DGKG: variants seen among roughly 807,000 people sequenced by gnomAD.
The protein encoded by DGKG is diacylglycerol kinase gamma.
DGKG carries 78 observed loss-of-function variants against 105.3 expected under a neutral mutation model. The observed-to-expected ratio is 0.74, with a 90% CI of 0.62 to 0.89. The LOEUF (loss-of-function observed/expected upper bound fraction) is 0.89. DGKG is among the 40% of genes least tolerant of loss of function. The pLI, the probability that DGKG is intolerant of heterozygous loss-of-function variation, is 0.00. For synonymous variants in DGKG, 346 were observed against 367.1 expected (o/e 0.94, Z 0.66); for missense variants, 958 against 1,020.1 (o/e 0.94, Z 0.83).
At chr3:186,243,401 C>T (rs1489898692) in intron 19 of DGKG, among the ~76,000 whole-genome samples, 4 of 152,034 alleles carry the variant, frequency 2.6e-5, no homozygotes, top group African/African-American at 7.2e-5. Flanking sequence ...TGCTCCTGGG[C>T]TCTCCATCCT....
chr3:186,284,532 C>T lies in DGKG; in HGVS notation c.594+128G>A, dbSNP rs1722973134. On this transcript the variant is annotated intron_variant, in intron 7 of 24. Transcript: ENST00000265022. The surrounding 1 kb of genome is among the most constrained non-coding windows in gnomAD (Gnocchi z 4.0). ...TGGAGAGGTCCTAGTCGGATTTCCT[C>T]AGCCTGCATCGAGACATTGCTATTA... 1 of 830,920 alleles carries T rather than the reference C, an allele frequency of 1.2e-6. No individual in the cohort carries two copies. The allele number at this position is 830,920 out of a possible 1,614,324, so 51.5% of individuals were successfully genotyped here.
rs1716894606 is a variant in DGKG, at chr3:186,172,988, C to T, written c.2096-7970G>A. Among the ~76,000 whole-genome samples, 3 of 152,236 alleles carry T rather than the reference C, an allele frequency of 2.0e-5. No individual in the cohort carries two copies. In the South Asian group the frequency reaches 6.2e-4, roughly 31 times the overall value. On this transcript the variant is annotated intron_variant, in intron 22 of 24. Transcript: ENST00000265022. ...TCAAAGTGCCAGCAGGGTGGGTTTCCTCTGAGACCCCTCCCTTTGGCTGGC... is the reference window on the plus strand; with the variant it reads ...TCAAAGTGCCAGCAGGGTGGGTTTCTTCTGAGACCCCTCCCTTTGGCTGGC...
chr3:186,208,443 A>AG (rs1553801962), intron 21 of DGKG, among the ~76,000 whole-genome samples: 3 of 46,466 alleles, frequency 6.5e-5, no homozygotes, highest in Non-Finnish European at 1.1e-4. Flanking sequence ...AAAAAAGAAG[A>AG]AAAAAAAAAG....
intron 2 of DGKG, among the ~76,000 whole-genome samples, chr3:186,319,635 G>A (rs561059447): frequency 4.5e-4 from 69 of 152,252 alleles, no homozygotes; most frequent in Middle Eastern, 3.4e-3. Flanking sequence ...GGTAAGTGAC[G>A]GTCACTCTGT....
chr3:186,156,137 A>C (rs928583990), intron 24 of DGKG, among the ~76,000 whole-genome samples: 2 of 152,188 alleles, frequency 1.3e-5, no homozygotes, highest in African/African-American at 4.8e-5. Flanking sequence ...GTAGAAATTA[A>C]AATTGGTTAA....
chr3:186,157,745 C>T (rs1716105827), intron 24 of DGKG, among the ~76,000 whole-genome samples: 1 of 152,122 alleles, frequency 6.6e-6, no homozygotes, highest in Non-Finnish European at 1.5e-5. Flanking sequence ...ACTCCATCGC[C>T]CAGGCTGGAG....
chr3:186,309,566 T>A (rs900214628), intron 2 of DGKG, among the ~76,000 whole-genome samples: 3 of 152,190 alleles, frequency 2.0e-5, no homozygotes, highest in South Asian at 2.1e-4. Context: ...GGAAAACAAA[T>A]CCTACATTTT....
At chr3:186,311,403 C>A (rs1484833125) in intron 2 of DGKG, among the ~76,000 whole-genome samples, 1 of 152,128 alleles carries the variant, frequency 6.6e-6, no homozygotes, top group African/African-American at 2.4e-5. Context: ...AGAACTCTAC[C>A]CAACAGGTCA....
intron 1 of DGKG, among the ~76,000 whole-genome samples, chr3:186,347,318 C>T (rs751475194): frequency 1.4e-4 from 21 of 151,560 alleles, no homozygotes; most frequent in African/African-American, 4.6e-4. Context: ...CATGGTGGCA[C>T]GCGCCTGCAG....
At chr3:186,298,031 AG>A (rs1233256495) in intron 4 of DGKG, 32 bp downstream of exon 4, 1 of 1,581,876 alleles carries the variant, frequency 6.3e-7, no homozygotes, top group South Asian at 1.2e-5. Flanking sequence ...GAGCTGCGCA[AG>A]GTCTTCCCAT....
chr3:186,279,881 T>C lies in DGKG; in HGVS notation c.762A>G (p.Pro254=), dbSNP rs775372842. The part of the protein sequence containing the change: ...EWVHGGMTTI[P]LLVLLGMDDS... ...CATCCATCCCCAGGAGGACCAGCAA[T>C]GGGATGGTGGTCATCCCTCCATGGA... The change falls in exon 9 of 25, where the codon CCA becomes CCG. Residue 254 remains proline, a synonymous_variant. Transcript: ENST00000265022. The C allele has an allele frequency of 1.2e-6, 2 of 1,613,838 alleles. No homozygotes were observed. The highest frequency in any genetic ancestry group is 8.5e-7 in the Non-Finnish European group (1 of 1,179,840).
At chr3:186,167,577 T>C (rs1452978075) in intron 22 of DGKG, among the ~76,000 whole-genome samples, 1 of 152,222 alleles carries the variant, frequency 6.6e-6, no homozygotes, top group Non-Finnish European at 1.5e-5. Flanking sequence ...AGTCAGTGTC[T>C]AGGCACACAG....
At chr3:186,161,507 T>A in intron 24 of DGKG, 96 bp downstream of exon 24, 2 of 1,587,920 alleles carry the variant, frequency 1.3e-6, no homozygotes, top group Non-Finnish European at 1.7e-6. Flanking sequence ...ACAGTCCCTG[T>A]GACTCTGAGA....
rs571540625 is a variant in DGKG, at chr3:186,271,179, T to G, written c.999+1076A>C. Among the ~76,000 whole-genome samples, 5 of 152,322 alleles carry G rather than the reference T, an allele frequency of 3.3e-5. No individual in the cohort carries two copies. In the South Asian group the frequency reaches 1.0e-3, roughly 32 times the overall value. ...ATCTTCCCTTTTCAGGAAGGCTAAGTGCCCTTCCCCTGCTAATTTTAAGGT... is the reference window on the plus strand; with the variant it reads ...ATCTTCCCTTTTCAGGAAGGCTAAGGGCCCTTCCCCTGCTAATTTTAAGGT... On this transcript the variant is annotated intron_variant, in intron 11 of 24. Coordinates refer to ENST00000265022, the MANE Select transcript of DGKG (RefSeq NM_001346.3).
rs1038714932 is a variant in DGKG, at chr3:186,284,832, G to T, written c.545-123C>A. 1.0e-5 allele frequency: 8 copies of T among 763,376 alleles called. No homozygotes were observed. The highest frequency in any genetic ancestry group is 1.7e-5 in the African/African-American group (1 of 58,058). The allele number at this position is 763,376 out of a possible 1,614,324, so 47.3% of individuals were successfully genotyped here. A position where few individuals can be genotyped will look rare whatever the true frequency, so the allele number is the denominator to read the frequency against. On this transcript the variant is annotated intron_variant, in intron 6 of 24. Coordinates refer to ENST00000265022, the MANE Select transcript of DGKG (RefSeq NM_001346.3). The surrounding 1 kb of genome is among the most constrained non-coding windows in gnomAD (Gnocchi z 4.0). ...ACTGTGACGAAGGTTATGGCAGCCA[G>T]CTCTCCCTCCCTCTGAGCACAGAGT...
intron 1 of DGKG, among the ~76,000 whole-genome samples, chr3:186,351,917 G>A (rs111752518): frequency 3.6e-4 from 55 of 152,278 alleles, no homozygotes; most frequent in African/African-American, 9.1e-4. Context: ...TTGAGAAATC[G>A]CTGAATGTTT....
intron 13 of DGKG, among the ~76,000 whole-genome samples, chr3:186,265,748 C>T (rs560339050): frequency 6.3e-5 from 9 of 143,142 alleles, no homozygotes; most frequent in East Asian, 2.1e-4. Context: ...CTGCAAGCTC[C>T]GCCTCCTGGG....
intron 6 of DGKG, among the ~76,000 whole-genome samples, chr3:186,287,020 G>T (rs911142880): frequency 1.2e-5 from 1 of 83,074 alleles, no homozygotes; most frequent in Non-Finnish European, 2.3e-5. Flanking sequence ...GGCAACAAGA[G>T]CAAAACTCCA....
intron 1 of DGKG, among the ~76,000 whole-genome samples, chr3:186,323,414 C>G (rs1725175388): frequency 6.6e-6 from 1 of 152,072 alleles, no homozygotes; most frequent in Non-Finnish European, 1.5e-5. Context: ...ATATTGCTGT[C>G]CCTGTTTTGC....
Sources: allele counts gnomAD v4.1 joint callset (sites outside exome capture counted in the v4.1 genomes callset), GRCh38; gene constraint gnomAD v4.1.1; non-coding constraint Gnocchi (gnomAD v3.1); transcripts MANE v1.5; gene names NCBI Gene and HGNC (gene_info 2026-07-23, HGNC 2026-07-21).